The following ATP10B variants were observed in gnomAD, a reference collection of about 807,000 sequenced individuals.
ATP10B encodes ATPase phospholipid transporting 10B (putative), also known as phospholipid-transporting ATPase VB.
Under a neutral mutation model 141.2 loss-of-function variants are expected in ATP10B, and 122 were observed. That is an observed-to-expected ratio of 0.86 (90% CI 0.75 to 1.00). ATP10B has a LOEUF of 1.00. ATP10B is among the 50% of genes least tolerant of loss of function. The pLI, the probability that ATP10B is intolerant of heterozygous loss-of-function variation, is 0.00. For synonymous variants in ATP10B, 685 were observed against 692.0 expected (o/e 0.99, Z 0.16); for missense variants, 1,876 against 1,825.3 (o/e 1.03, Z -0.51).
chr5:160,791,943 G>T (rs908542589), intron 1 of ATP10B, among the ~76,000 whole-genome samples: 1 of 152,034 alleles, frequency 6.6e-6, no homozygotes, highest in Non-Finnish European at 1.5e-5. Context: ...ACTCTAGCTG[G>T]GATGAAAGCT....
At chr5:160,692,995 T>C (rs1764157163) in intron 3 of ATP10B, 1 of 152,168 alleles carries the variant, frequency 6.6e-6, no homozygotes, top group South Asian at 2.1e-4. Flanking sequence ...TGCCTCCTGA[T>C]ATGATGTATT....
upstream of ATP10B, among the ~76,000 whole-genome samples, chr5:160,852,787 T>TA (rs1561925788): frequency 6.6e-6 from 1 of 152,136 alleles, no homozygotes; most frequent in East Asian, 1.9e-4. Flanking sequence ...TTAAGTTACC[T>TA]ACAACTCAAC....
chr5:160,631,090 G>GA (rs1758901913), intron 13 of ATP10B, among the ~76,000 whole-genome samples: 1 of 152,296 alleles, frequency 6.6e-6, no homozygotes, highest in East Asian at 1.9e-4. Context: ...AAAAGACTGG[G>GA]AAAAAATTGG....
At chr5:160,907,483 G>A in the ATP10B span, among the ~76,000 whole-genome samples, 367 of 152,080 alleles carry the variant, frequency 2.4e-3, 2 homozygotes, top group African/African-American at 8.3e-3. Flanking sequence ...CCCACCTCAG[G>A]CTCTTGAGTG....
the ATP10B span, among the ~76,000 whole-genome samples, chr5:160,905,316 C>T: frequency 6.6e-6 from 1 of 152,218 alleles, no homozygotes; most frequent in South Asian, 2.1e-4. Flanking sequence ...CATAGCCCAG[C>T]TTGGCATTTA....
intron 1 of ATP10B, among the ~76,000 whole-genome samples, chr5:160,832,391 G>C (rs1775150440): frequency 6.6e-6 from 1 of 152,034 alleles, no homozygotes; most frequent in African/African-American, 2.4e-5. Flanking sequence ...AAAGAATAAG[G>C]TAGTTTTATA....
At chr5:160,906,995 C>T in the ATP10B span, among the ~76,000 whole-genome samples, 3 of 151,996 alleles carry the variant, frequency 2.0e-5, no homozygotes, top group South Asian at 6.2e-4. Flanking sequence ...TTATTTGTGG[C>T]CACTCAGGCT....
intron 23 of ATP10B, 113 bp from the exon 24 acceptor site, chr5:160,589,809 C>G: frequency 1.3e-6 from 1 of 749,956 alleles, no homozygotes; most frequent in Non-Finnish European, 2.3e-6. Context: ...GAAGGAGGTA[C>G]CCAGCTGCCA....
Position 160,632,120 on chromosome 5 carries a change from A to G in ATP10B, c.1620+9T>C. 2 of 1,606,564 alleles carry G rather than the reference A, an allele frequency of 1.2e-6. No homozygotes were observed. The highest frequency in any genetic ancestry group is 1.7e-6 in the Non-Finnish European group (2 of 1,174,696). On this transcript the variant is annotated intron_variant, in intron 13 of 25. Coordinates refer to ENST00000327245, the MANE Select transcript of ATP10B (RefSeq NM_025153.3). ...CACTTACAGTTCAAAGGCAAAAGTC[A>G]GGACTTACTATGGAGCTGCTGAAGG...
intron 7 of ATP10B, among the ~76,000 whole-genome samples, chr5:160,658,812 C>A (rs1027534662): frequency 1.3e-5 from 2 of 152,192 alleles, no homozygotes; most frequent in Non-Finnish European, 2.9e-5. Flanking sequence ...AGATGGACAT[C>A]ATACTGATGG....
chr5:160,816,500 G>A (rs1773638819), intron 1 of ATP10B, among the ~76,000 whole-genome samples: 1 of 152,000 alleles, frequency 6.6e-6, no homozygotes, highest in Non-Finnish European at 1.5e-5. Context: ...TGAAATTGAG[G>A]CAATAATTAA....
At chr5:160,626,949 T>G (rs1758642558) in intron 13 of ATP10B, among the ~76,000 whole-genome samples, 1 of 152,236 alleles carries the variant, frequency 6.6e-6, no homozygotes, top group South Asian at 2.1e-4. Context: ...ACAGGAACCC[T>G]GGTTCCTGAG....
intron 2 of ATP10B, among the ~76,000 whole-genome samples, chr5:160,777,531 T>A (rs1280792365): frequency 1.3e-5 from 2 of 152,356 alleles, no homozygotes; most frequent in East Asian, 3.9e-4. Context: ...ATGGTAGCAT[T>A]GTGGGGCTTG....
chr5:160,770,790 A>C (rs1158896296), intron 2 of ATP10B, among the ~76,000 whole-genome samples: 1 of 152,228 alleles, frequency 6.6e-6, no homozygotes. Flanking sequence ...CACTGAACAG[A>C]TGGTAAAATA....
chr5:160,904,000 G>T, the ATP10B span, among the ~76,000 whole-genome samples: 1 of 152,178 alleles, frequency 6.6e-6, no homozygotes, highest in Non-Finnish European at 1.5e-5. Flanking sequence ...CCATAGGCTT[G>T]AGTACTGATG....
intron 5 of ATP10B, among the ~76,000 whole-genome samples, chr5:160,687,521 T>C (rs1305583669): frequency 1.3e-5 from 2 of 152,128 alleles, no homozygotes; most frequent in East Asian, 3.9e-4. Context: ...CCCATCTCTT[T>C]GGGAGGTTGA....
Position 160,792,291 on chromosome 5 carries a change from C to T in ATP10B, c.-575-6488G>A, listed in dbSNP as rs531823769. Among the ~76,000 whole-genome samples, 33 of 152,238 alleles carry T rather than the reference C, an allele frequency of 2.2e-4. 1 individual carries two copies. Among genetic ancestry groups the T allele is most frequent in the African/African-American group, 7.0e-4 (29 of 41,546 alleles). On this transcript the variant is annotated intron_variant, in intron 1 of 25. Coordinates refer to ENST00000327245, the MANE Select transcript of ATP10B (RefSeq NM_025153.3). ...AAACACAGCATGAACTCAATATATG[C>T]GTGACATATCAGAGAATGTGATCTT...
intron 7 of ATP10B, among the ~76,000 whole-genome samples, chr5:160,667,404 T>C (rs1247655868): frequency 6.6e-6 from 1 of 152,088 alleles, no homozygotes. Context: ...TGGGTTGTTT[T>C]GAGGATAGAC....
rs188786907 is a variant in ATP10B, at chr5:160,757,959, C to A, written c.-331+27600G>T. Among the ~76,000 whole-genome samples, 329 of 152,272 alleles carry A rather than the reference C, an allele frequency of 2.2e-3. 3 individuals carry two copies. Among genetic ancestry groups the A allele is most frequent in the African/African-American group, 7.7e-3 (319 of 41,546 alleles). ...CCAAGTGTGGCAACCAAAAATGTCT[C>A]CAGACATTGTCAAATGTCTACTAGG... is the stretch of plus-strand genomic sequence containing the variant. On this transcript the variant is annotated intron_variant, in intron 2 of 25. Coordinates refer to ENST00000327245, the MANE Select transcript of ATP10B (RefSeq NM_025153.3).
Sources: gnomAD v4.1 joint callset for allele counts (sites outside exome capture counted in the v4.1 genomes callset) on GRCh38, gnomAD v4.1.1 for gene constraint, MANE v1.5 for transcripts, NCBI Gene and HGNC (gene_info 2026-07-23, HGNC 2026-07-21) for gene names.